Variants in IGF1R observed in about 807,000 individuals in gnomAD.
The protein encoded by IGF1R is insulin like growth factor 1 receptor.
In IGF1R, 44 loss-of-function variants were observed where a neutral mutation model predicts 144.6. The ratio of observed to expected loss-of-function variants is 0.30; its 90% CI spans 0.24 to 0.39. The LOEUF is 0.39. Among genes scored for constraint, IGF1R ranks in the 10% least tolerant of loss-of-function variants. The pLI, the probability that IGF1R is intolerant of heterozygous loss-of-function variation, is 1.00. For synonymous variants in IGF1R, 795 were observed against 722.8 expected (o/e 1.10, Z -1.60); for missense variants, 1,355 against 1,833.7 (o/e 0.74, Z 4.77).
At position 98,959,525 on chromosome 15, in the gene IGF1R, A is replaced by G. The variant is rs1411056526; in HGVS notation, c.*2083A>G. ...CTGGAGTGCTAGGTGGAGGCAGCAC[A>G]GACGCCACGGTGGCCCAAGAGCCCC... On this transcript the variant is annotated 3_prime_UTR_variant, in exon 21 of 21. Coordinates refer to ENST00000650285, the MANE Select transcript of IGF1R (RefSeq NM_000875.5). The G allele has an allele frequency of 4.3e-6, 1 of 233,496 alleles. No homozygotes were observed. The highest frequency in any genetic ancestry group is 8.5e-6 in the Non-Finnish European group (1 of 118,048). 14.5% of individuals were successfully genotyped at this position (233,496 alleles called of 1,614,324 possible). A position where few individuals can be genotyped will look rare whatever the true frequency, so the allele number is the denominator to read the frequency against.
At chr15:98,931,234 T>C (rs2015928709) in intron 15 of IGF1R, among the ~76,000 whole-genome samples, 1 of 152,182 alleles carries the variant, frequency 6.6e-6, no homozygotes, top group African/African-American at 2.4e-5. Flanking sequence ...CTGGACCGGA[T>C]TCATCAAATG....
At chr15:98,847,215 G>T (rs1215478237) in intron 2 of IGF1R, among the ~76,000 whole-genome samples, 1 of 152,170 alleles carries the variant, frequency 6.6e-6, no homozygotes, top group African/African-American at 2.4e-5. Context: ...GACCTCAAGT[G>T]ATCCTTCTGC....
At chr15:98,939,115 A>G (rs2151713589) in intron 17 of IGF1R, 86 bp from the exon 18 acceptor site, 9 of 1,153,216 alleles carry the variant, frequency 7.8e-6, no homozygotes, top group Admixed American at 1.8e-5. Context: ...CAGATTGAAC[A>G]AAGATGATAT....
In IGF1R at chr15:98,948,627, A is replaced by T; in HGVS notation, c.3641A>T (p.Gln1214Leu). The change falls in exon 20 of 21, where the codon CAG becomes CTG. Residue 1214 changes from glutamine to leucine, a missense_variant. By Grantham distance (113) the Gln-to-Leu change is moderately radical. Around this residue, in one of 7 missense-constraint regions of IGF1R, gnomAD observed 77 missense variants for 163.2 expected, o/e 0.47. Coordinates refer to ENST00000650285, the MANE Select transcript of IGF1R (RefSeq NM_000875.5). ...EIATLAEQPY[Q>L]GLSNEQVLRF... is the part of the protein sequence containing the mutation. ...GCCACACTGGCCGAGCAGCCCTACCAGGGCTTGTCCAACGAGCAAGTCCTT... is the reference window on the plus strand; with the variant it reads ...GCCACACTGGCCGAGCAGCCCTACCTGGGCTTGTCCAACGAGCAAGTCCTT... The T allele has an allele frequency of 1.2e-6, 2 of 1,614,136 alleles. No individual in the cohort carries two copies. The highest frequency in any genetic ancestry group is 1.7e-6 in the Non-Finnish European group (2 of 1,180,002).
At chr15:98,850,855 A>G (rs2011501429) in intron 2 of IGF1R, among the ~76,000 whole-genome samples, 1 of 151,548 alleles carries the variant, frequency 6.6e-6, no homozygotes, top group Non-Finnish European at 1.5e-5. Flanking sequence ...TGAGTGCTGC[A>G]AATGTTTGGC....
At chr15:98,869,556 C>G (rs1029124497) in intron 2 of IGF1R, among the ~76,000 whole-genome samples, 2 of 152,078 alleles carry the variant, frequency 1.3e-5, no homozygotes, top group Non-Finnish European at 2.9e-5. Context: ...CTGCCTCAGC[C>G]TCCCGAGTAG....
chr15:98,923,647 G>A (rs2015584303), intron 11 of IGF1R: 3 of 548,934 alleles, frequency 5.5e-6, no homozygotes, highest in South Asian at 4.3e-5. Flanking sequence ...AAGTTTTGTG[G>A]TTGGTGTATT....
chr15:98,813,291 C>T (rs1302491852), intron 2 of IGF1R, among the ~76,000 whole-genome samples: 1 of 152,100 alleles, frequency 6.6e-6, no homozygotes, highest in Admixed American at 6.5e-5. Context: ...TGCAAAATAA[C>T]CAATCCAAAG....
chr15:98,743,347 CAGTG>C (rs2054791122), intron 2 of IGF1R, among the ~76,000 whole-genome samples: 1 of 152,100 alleles, frequency 6.6e-6, no homozygotes, highest in Middle Eastern at 3.2e-3. Flanking sequence ...AGGGCTGGGC[CAGTG>C]AGTCACTCAT....
chr15:98,943,173 G>A lies in IGF1R; in HGVS notation c.3587+121G>A. On this transcript the variant is annotated intron_variant, in intron 19 of 20. Coordinates refer to ENST00000650285, the MANE Select transcript of IGF1R (RefSeq NM_000875.5). ...GTTACCCGTTGCCAGCTTTAGCTCA[G>A]TGTTGTGTGAGCCACACTTCTTCAT... The A allele has an allele frequency of 1.0e-5, 12 of 1,163,714 alleles. No individual in the cohort carries two copies. The South Asian group carries it at 1.2e-4, about 12-fold the overall frequency. 72.1% of individuals were successfully genotyped at this position (1,163,714 alleles called of 1,614,324 possible). A position where few individuals can be genotyped will look rare whatever the true frequency, so the allele number is the denominator to read the frequency against.
intron 15 of IGF1R, among the ~76,000 whole-genome samples, chr15:98,932,511 G>A (rs1019930429): frequency 6.6e-6 from 1 of 152,210 alleles, no homozygotes. Flanking sequence ...GAAAAGGATT[G>A]AGCGTATTGA....
chr15:98,774,969 A>G (rs1404439535), intron 2 of IGF1R, among the ~76,000 whole-genome samples: 1 of 152,198 alleles, frequency 6.6e-6, no homozygotes, highest in Non-Finnish European at 1.5e-5. Flanking sequence ...TAGCTCAGGA[A>G]CCTGGAACCA....
chr15:98,931,737 A>G (rs2015949756), intron 15 of IGF1R, among the ~76,000 whole-genome samples: 1 of 149,182 alleles, frequency 6.7e-6, no homozygotes, highest in African/African-American at 2.5e-5. Context: ...GGTCGAAGGC[A>G]CCTGTAGTCC....
intron 1 of IGF1R, among the ~76,000 whole-genome samples, chr15:98,669,779 C>T (rs542909020): frequency 7.9e-5 from 12 of 152,318 alleles, no homozygotes; most frequent in South Asian, 6.2e-4. Flanking sequence ...CTTCCCGTGC[C>T]GAACCTGGCC....
intron 2 of IGF1R, among the ~76,000 whole-genome samples, chr15:98,823,062 C>T (rs897050154): frequency 1.1e-4 from 17 of 152,154 alleles, no homozygotes; most frequent in Non-Finnish European, 2.4e-4. Flanking sequence ...CTTCCCGTTC[C>T]CCCCACCTCA....
intron 2 of IGF1R, among the ~76,000 whole-genome samples, chr15:98,742,588 CAGAAGGTAAGAA>C (rs2054771874): frequency 6.6e-6 from 1 of 152,048 alleles, no homozygotes; most frequent in Non-Finnish European, 1.5e-5. Flanking sequence ...CAGTCCCAGC[CAGAAGGTAAGAA>C]CTCCTGTGTT....
chr15:98,706,854 A>G (rs2053876284), intron 1 of IGF1R, among the ~76,000 whole-genome samples: 1 of 151,458 alleles, frequency 6.6e-6, no homozygotes, highest in Admixed American at 6.6e-5. Context: ...ATTACCTCTA[A>G]ACTCTGTAGG....
chr15:98,684,312 CTTTG>C (rs1290761185), intron 1 of IGF1R, among the ~76,000 whole-genome samples: 3 of 137,734 alleles, frequency 2.2e-5, no homozygotes, highest in Admixed American at 1.7e-4. Context: ...TTATTGTCAT[CTTTG>C]TTTATCATAA....
intron 2 of IGF1R, among the ~76,000 whole-genome samples, chr15:98,839,417 GCC>G (rs1355969362): frequency 6.6e-6 from 1 of 152,060 alleles, no homozygotes; most frequent in Non-Finnish European, 1.5e-5. Flanking sequence ...CACCCTCCCA[GCC>G]ACATATATGC....
Sources: allele counts gnomAD v4.1 joint callset (sites outside exome capture counted in the v4.1 genomes callset), GRCh38; gene constraint gnomAD v4.1.1; regional missense constraint gnomAD v4.1.1; transcripts MANE v1.5; gene names NCBI Gene and HGNC (gene_info 2026-07-23, HGNC 2026-07-21).